Variants in ERC2 observed in about 807,000 individuals in gnomAD.
ERC2 encodes the protein ELKS/RAB6-interacting/CAST family member 2.
In ERC2, 42 loss-of-function variants were observed where a neutral mutation model predicts 114.8. The ratio of observed to expected loss-of-function variants is 0.37; its 90% CI spans 0.29 to 0.47. ERC2 has a LOEUF of 0.47. Ranked by LOEUF, ERC2 falls within the 20% of genes least tolerant of loss-of-function variation. The pLI is 0.99. For missense variants in ERC2, 939 were observed against 1,150.7 expected, an observed-to-expected ratio of 0.82 and a Z score of 2.66; for synonymous variants, 454 against 425.5, an observed-to-expected ratio of 1.07 and a Z score of -0.82.
chr3:55,831,893 C>T (rs1433773497), intron 14 of ERC2, among the ~76,000 whole-genome samples: 2 of 152,242 alleles, frequency 1.3e-5, no homozygotes, highest in African/African-American at 4.8e-5. Context: ...AATCGGGTCA[C>T]TCCCACCCGA....
intron 17 of ERC2, among the ~76,000 whole-genome samples, chr3:55,563,497 A>T (rs181672397): frequency 9.0e-4 from 137 of 152,278 alleles, no homozygotes; most frequent in African/African-American, 3.2e-3. Context: ...GTGATTACTC[A>T]ACCTCTGGTC....
At chr3:55,769,668 T>C (rs1166606670) in intron 14 of ERC2, among the ~76,000 whole-genome samples, 4 of 152,198 alleles carry the variant, frequency 2.6e-5, no homozygotes, top group Non-Finnish European at 5.9e-5. Context: ...TTCAATCTAA[T>C]GTATAGTAAC....
At chr3:56,111,629 T>G (rs1265589946) in intron 6 of ERC2, among the ~76,000 whole-genome samples, 9 of 152,194 alleles carry the variant, frequency 5.9e-5, no homozygotes, top group African/African-American at 2.2e-4. Flanking sequence ...TACTCATTAT[T>G]AAACCATCTA....
At chr3:56,253,388 C>CTTTTCT (rs2052310966) in intron 3 of ERC2, among the ~76,000 whole-genome samples, 1 of 152,118 alleles carries the variant, frequency 6.6e-6, no homozygotes, top group African/African-American at 2.4e-5. Context: ...AGAAAACTTA[C>CTTTTCT]TTTTCTTTTT....
At chr3:56,022,257 T>A (rs143458947) in intron 7 of ERC2, among the ~76,000 whole-genome samples, 3 of 152,290 alleles carry the variant, frequency 2.0e-5, no homozygotes, top group African/African-American at 7.2e-5. Context: ...AGAACAAAAA[T>A]ATAAGGAATC....
Position 55,699,480 on chromosome 3 carries a change from G to A in ERC2, c.2745C>T (p.Asn915=). 6.2e-7 allele frequency: 1 copy of A among 1,613,348 alleles called. No homozygotes were observed. The highest frequency in any genetic ancestry group is 8.5e-7 in the Non-Finnish European group (1 of 1,179,510). Residue 915 remains asparagine, a synonymous_variant, in exon 16 of 18, where the codon AAC becomes AAT. Coordinates refer to ENST00000288221, the MANE Select transcript of ERC2 (RefSeq NM_015576.3). The part of the protein sequence containing the change: ...TQNRMKLMAD[N]YDDDHHHYHH... ...GGTAATGGTGATGGTCATCATCATAGTTGTCTGCCATCAACTTCATTCTGT... is the reference window on the plus strand; with the variant it reads ...GGTAATGGTGATGGTCATCATCATAATTGTCTGCCATCAACTTCATTCTGT...
chr3:56,414,199 C>T (rs1050313840), intron 2 of ERC2, among the ~76,000 whole-genome samples: 1 of 152,204 alleles, frequency 6.6e-6, no homozygotes, highest in Non-Finnish European at 1.5e-5. Context: ...GTGGTGGCAC[C>T]TTAATCTACT....
chr3:56,437,334 C>T (rs1010259462), intron 1 of ERC2, among the ~76,000 whole-genome samples: 5 of 152,346 alleles, frequency 3.3e-5, no homozygotes, highest in South Asian at 4.2e-4. Flanking sequence ...CACTGCCCAG[C>T]GGGGCATGAG....
In ERC2 at chr3:55,895,641, C is replaced by T. The variant is rs552069011; in HGVS notation, c.2404-7092G>A. On this transcript the variant is annotated intron_variant, in intron 13 of 17. Transcript: ENST00000288221. ...TCCCTGGAGGGCAGAGACTGTGTCT[C>T]CATCTTCTTTGCAAGCCCCTTCAGT... Among the ~76,000 whole-genome samples, 6 of 152,134 alleles carry T rather than the reference C, an allele frequency of 3.9e-5. No homozygotes were observed. In the South Asian group the frequency reaches 1.2e-3, roughly 32 times the overall value.
chr3:56,366,728 G>C (rs554404121), intron 2 of ERC2, among the ~76,000 whole-genome samples: 1 of 152,188 alleles, frequency 6.6e-6, no homozygotes, highest in Non-Finnish European at 1.5e-5. Flanking sequence ...GACAATCACA[G>C]GGTAGAACAC....
intron 1 of ERC2, among the ~76,000 whole-genome samples, chr3:56,444,811 G>T (rs2062486504): frequency 6.6e-6 from 1 of 152,192 alleles, no homozygotes; most frequent in South Asian, 2.1e-4. Flanking sequence ...GAGATCATCA[G>T]TATCTCCCAA....
intron 3 of ERC2, among the ~76,000 whole-genome samples, chr3:56,252,936 G>A (rs1032795069): frequency 2.0e-5 from 3 of 152,098 alleles, no homozygotes; most frequent in Non-Finnish European, 4.4e-5. Flanking sequence ...ATACAACTGT[G>A]GGCATTGTGC....
intron 17 of ERC2, among the ~76,000 whole-genome samples, chr3:55,582,617 C>T (rs2057317983): frequency 1.3e-5 from 2 of 152,236 alleles, no homozygotes; most frequent in African/African-American, 4.8e-5. Flanking sequence ...AGACTACCGA[C>T]TGCCTTTGTA....
At chr3:56,415,394 T>A (rs1213792459) in intron 2 of ERC2, among the ~76,000 whole-genome samples, 1 of 152,224 alleles carries the variant, frequency 6.6e-6, no homozygotes, top group Non-Finnish European at 1.5e-5. Flanking sequence ...TCTATAACTA[T>A]CATTTTTCTT....
At chr3:56,426,702 A>G (rs192214400) in intron 2 of ERC2, among the ~76,000 whole-genome samples, 2 of 152,360 alleles carry the variant, frequency 1.3e-5, no homozygotes, top group East Asian at 3.9e-4. Flanking sequence ...AGGTGGAGAC[A>G]TGGAACGTAC....
chr3:56,467,395 AGC>A (rs1176965826), intron 1 of ERC2, among the ~76,000 whole-genome samples: 3 of 152,174 alleles, frequency 2.0e-5, no homozygotes, highest in Non-Finnish European at 4.4e-5. Context: ...CTCCTAAAAG[AGC>A]GGACCCTCCC....
At chr3:55,554,166 G>A (rs1037183478) in intron 17 of ERC2, among the ~76,000 whole-genome samples, 1 of 151,958 alleles carries the variant, frequency 6.6e-6, no homozygotes, top group Non-Finnish European at 1.5e-5. Flanking sequence ...GGGTGTAGAC[G>A]ACCTGGACTA....
Position 55,951,044 on chromosome 3 carries a change from T to A in ERC2, c.2268-484A>T, listed in dbSNP as rs114815083. Among the ~76,000 whole-genome samples the A allele has an allele frequency of 5.6e-3, 847 of 151,980 alleles. 9 individuals are homozygous for A. Among genetic ancestry groups the A allele is most frequent in the African/African-American group, 0.019 (801 of 41,436 alleles). On this transcript the variant is annotated intron_variant, in intron 12 of 17. Transcript: ENST00000288221. ...AAACACCAGTGGCAGAGCTCCCAAG[T>A]AGAGAGAACAATGCGTGTAATTTCC...
chr3:55,825,669 G>A (rs1006104741), intron 14 of ERC2, among the ~76,000 whole-genome samples: 19 of 151,792 alleles, frequency 1.3e-4, no homozygotes, highest in African/African-American at 4.1e-4. Flanking sequence ...CATCCTTTAA[G>A]TCCTGTGATA....
Sources: allele counts gnomAD v4.1 joint callset (sites outside exome capture counted in the v4.1 genomes callset), GRCh38; gene constraint gnomAD v4.1.1; transcripts MANE v1.5; gene names NCBI Gene and HGNC (gene_info 2026-07-23, HGNC 2026-07-21).